The following RBFOX3 variants were observed in gnomAD, a reference collection of about 807,000 sequenced individuals.
RBFOX3 encodes the protein RNA binding protein fox-1 homolog 3.
RBFOX3 carries 17 observed loss-of-function variants against 48.7 expected under a neutral mutation model. The observed-to-expected ratio is 0.35, with a 90% CI of 0.24 to 0.52. The LOEUF is 0.52. Among genes scored for constraint, RBFOX3 ranks in the 20% least tolerant of loss-of-function variants. RBFOX3 has a pLI of 0.94. For synonymous variants in RBFOX3, 212 were observed against 209.5 expected, an observed-to-expected ratio of 1.01 and a Z score of -0.10; for missense variants, 382 against 497.5, an observed-to-expected ratio of 0.77 and a Z score of 2.21.
At chr17:79,542,120 G>A (rs965849102) in intron 1 of RBFOX3, among the ~76,000 whole-genome samples, 24 of 151,454 alleles carry the variant, frequency 1.6e-4, no homozygotes, top group African/African-American at 5.6e-4. Context: ...TCAGGTTGTT[G>A]TGAAGGTTGA....
At chr17:79,335,663 C>T (rs910612494) in intron 2 of RBFOX3, among the ~76,000 whole-genome samples, 18 of 152,206 alleles carry the variant, frequency 1.2e-4, no homozygotes, top group African/African-American at 4.1e-4. Context: ...GGTTTTCCTC[C>T]AGTGACATCT....
At chr17:79,463,586 G>A (rs1371810561) in intron 2 of RBFOX3, among the ~76,000 whole-genome samples, 1 of 121,258 alleles carries the variant, frequency 8.2e-6, no homozygotes, top group African/African-American at 3.3e-5. Flanking sequence ...CACTGCCACC[G>A]CCACCTCCAC....
chr17:79,589,228 C>T (rs1404630301), intron 1 of RBFOX3, among the ~76,000 whole-genome samples: 7 of 151,220 alleles, frequency 4.6e-5, no homozygotes, highest in East Asian at 1.9e-4. Context: ...GGCAGGCTGC[C>T]GTCTGAGTCT....
chr17:79,384,857 A>G (rs2060363847), intron 2 of RBFOX3, among the ~76,000 whole-genome samples: 1 of 152,244 alleles, frequency 6.6e-6, no homozygotes, highest in East Asian at 1.9e-4. Flanking sequence ...TCCAGCGGCA[A>G]AACGCATCTT....
chr17:79,190,214 T>C (rs1393295876), intron 4 of RBFOX3, among the ~76,000 whole-genome samples: 8 of 152,080 alleles, frequency 5.3e-5, no homozygotes, highest in Admixed American at 2.0e-4. Flanking sequence ...GAGTTTGAGA[T>C]CAGCCTGGGC....
chr17:79,102,287 C>T (rs1031259991), intron 8 of RBFOX3, among the ~76,000 whole-genome samples: 1 of 152,312 alleles, frequency 6.6e-6, no homozygotes, highest in Non-Finnish European at 1.5e-5. Context: ...TCGAGAATAG[C>T]AGGGGTGATG....
intron 4 of RBFOX3, among the ~76,000 whole-genome samples, chr17:79,138,990 C>T (rs1478407508): frequency 7.6e-6 from 1 of 132,260 alleles, no homozygotes; most frequent in African/African-American, 3.1e-5. Flanking sequence ...CACACCCCCT[C>T]ACACACATGC....
chr17:79,152,008 G>A (rs1355342749), intron 4 of RBFOX3, among the ~76,000 whole-genome samples: 3 of 151,920 alleles, frequency 2.0e-5, no homozygotes, highest in Non-Finnish European at 4.4e-5. Flanking sequence ...TGTCCCGCAG[G>A]GGAGAACGCT....
chr17:79,571,530 C>G (rs931853548), intron 1 of RBFOX3, among the ~76,000 whole-genome samples: 19 of 136,532 alleles, frequency 1.4e-4, no homozygotes, highest in African/African-American at 4.2e-4. Context: ...CCCCGCCCCC[C>G]CAACCACTCT....
intron 2 of RBFOX3, among the ~76,000 whole-genome samples, chr17:79,329,763 C>T (rs2079931873): frequency 6.6e-6 from 1 of 152,176 alleles, no homozygotes; most frequent in Non-Finnish European, 1.5e-5. Flanking sequence ...CCTCGCTCTC[C>T]CAGGAGATCT....
At chr17:79,298,331 G>C (rs774245033) in intron 3 of RBFOX3, 2 of 152,282 alleles carry the variant, frequency 1.3e-5, no homozygotes, top group Non-Finnish European at 2.9e-5. Context: ...GAAGAGACTG[G>C]AGGCATAGGC....
At chr17:79,559,588 T>C (rs1374178547) in intron 1 of RBFOX3, among the ~76,000 whole-genome samples, 1 of 103,376 alleles carries the variant, frequency 9.7e-6, no homozygotes, top group Non-Finnish European at 1.9e-5. Flanking sequence ...GGTGGGGGGG[T>C]GGATGGAGAG....
At chr17:79,172,193 A>AAAAAG (rs2049470867) in intron 4 of RBFOX3, among the ~76,000 whole-genome samples, 3 of 151,414 alleles carry the variant, frequency 2.0e-5, no homozygotes, top group Non-Finnish European at 4.4e-5. Flanking sequence ...AAAAAAAAAA[A>AAAAAG]AGAGAAAAAG....
intron 4 of RBFOX3, among the ~76,000 whole-genome samples, chr17:79,233,320 A>C (rs1387297809): frequency 1.3e-5 from 2 of 152,182 alleles, no homozygotes; most frequent in Non-Finnish European, 2.9e-5. Context: ...CAGCGACAAG[A>C]AGCAGAGTCA....
At chr17:79,540,388 C>G (rs890594367) in intron 1 of RBFOX3, among the ~76,000 whole-genome samples, 1 of 152,226 alleles carries the variant, frequency 6.6e-6, no homozygotes, top group Non-Finnish European at 1.5e-5. Context: ...GACAAATGAA[C>G]GGCGGAGGCC....
chr17:79,387,873 T>C (rs1323445980), intron 2 of RBFOX3, among the ~76,000 whole-genome samples: 1 of 152,044 alleles, frequency 6.6e-6, no homozygotes, highest in Non-Finnish European at 1.5e-5. Flanking sequence ...CACTGTACAG[T>C]GTGTGTGCAC....
Position 79,535,953 on chromosome 17 carries a change from C to T in RBFOX3, c.-319-53355G>A, listed in dbSNP as rs1172898951. Among the ~76,000 whole-genome samples the T allele has an allele frequency of 1.3e-5, 2 of 152,202 alleles. No individual in the cohort carries two copies. Among genetic ancestry groups the T allele is most frequent in the Non-Finnish European group, 2.9e-5 (2 of 68,028 alleles). ...GCGGCAGGGTCATCTCCACAGGCCCCTCCCTCCCTCCACAGCTTCCTAAGC... is the reference window on the plus strand; with the variant it reads ...GCGGCAGGGTCATCTCCACAGGCCCTTCCCTCCCTCCACAGCTTCCTAAGC... On this transcript the variant is annotated intron_variant, in intron 1 of 14. Transcript: ENST00000693108. The surrounding 1 kb of genome is among the most constrained non-coding windows in gnomAD (Gnocchi z 4.5).
chr17:79,660,691 G>C, the RBFOX3 span, among the ~76,000 whole-genome samples: 6 of 152,210 alleles, frequency 3.9e-5, no homozygotes, highest in African/African-American at 1.4e-4. Flanking sequence ...TTACCCTGTT[G>C]GTGAGAGTGT....
chr17:79,131,885 C>A (rs1228405350), intron 4 of RBFOX3, among the ~76,000 whole-genome samples: 3 of 152,176 alleles, frequency 2.0e-5, no homozygotes, highest in Non-Finnish European at 4.4e-5. Context: ...CAGGTCAGCA[C>A]AGATCTCAGC....
Sources: allele counts gnomAD v4.1 joint callset (sites outside exome capture counted in the v4.1 genomes callset), GRCh38; gene constraint gnomAD v4.1.1; non-coding constraint Gnocchi (gnomAD v3.1); transcripts MANE v1.5; gene names NCBI Gene and HGNC (gene_info 2026-07-23, HGNC 2026-07-21).